The following PRKG1 variants were observed in gnomAD, a reference collection of about 807,000 sequenced individuals.
PRKG1 encodes the protein cGMP-dependent protein kinase 1.
PRKG1 carries 35 observed loss-of-function variants against 88.1 expected under a neutral mutation model. That is an observed-to-expected ratio of 0.40 (90% confidence interval 0.30 to 0.53). The LOEUF is 0.53. PRKG1 is among the 20% of genes least tolerant of loss of function. The pLI is 0.59. For synonymous variants in PRKG1, 303 were observed against 292.5 expected, an observed-to-expected ratio of 1.04 and a Z score of -0.37; for missense variants, 540 against 839.8, an observed-to-expected ratio of 0.64 and a Z score of 4.41.
rs192287805 is a variant in PRKG1 at position 51,189,379 on chromosome 10, G to A, written c.478+36049G>A. Reference sequence around the variant, plus strand: ...ATAGGTAAGAAAGACACAGGGAACCGAATTAAAGAAACAGTAAGGTTTGTA... The same window carrying A: ...ATAGGTAAGAAAGACACAGGGAACCAAATTAAAGAAACAGTAAGGTTTGTA... On this transcript the variant is annotated intron_variant, in intron 2 of 17. Coordinates refer to ENST00000373980, the MANE Select transcript of PRKG1 (RefSeq NM_006258.4). Among the ~76,000 whole-genome samples the A allele has an allele frequency of 2.2e-4, 34 of 151,916 alleles. No homozygotes were observed. In the East Asian group the frequency reaches 6.2e-3, roughly 28 times the overall value.
chr10:51,911,982 GCT>G (rs1258411991), intron 5 of PRKG1, among the ~76,000 whole-genome samples: 1 of 152,190 alleles, frequency 6.6e-6, no homozygotes, highest in Non-Finnish European at 1.5e-5. Context: ...TCAGGACTGC[GCT>G]CTCTCATAGC....
At chr10:51,177,617 G>A (rs896922928) in intron 2 of PRKG1, among the ~76,000 whole-genome samples, 2 of 152,066 alleles carry the variant, frequency 1.3e-5, no homozygotes, top group Non-Finnish European at 2.9e-5. Context: ...ATGTTAACAT[G>A]TCCAACCAAA....
At chr10:51,924,513 G>A (rs1016997392) in intron 5 of PRKG1, among the ~76,000 whole-genome samples, 3 of 152,032 alleles carry the variant, frequency 2.0e-5, no homozygotes, top group African/African-American at 4.8e-5. Context: ...ACACACAGGT[G>A]TGAATTATTG....
At chr10:51,580,762 C>G (rs1042323941) in intron 3 of PRKG1, among the ~76,000 whole-genome samples, 3 of 151,974 alleles carry the variant, frequency 2.0e-5, no homozygotes, top group African/African-American at 7.3e-5. Context: ...AATTAGCTCA[C>G]TGGAGACAGA....
At chr10:52,161,808 T>C in intron 8 of PRKG1, 81 bp from the exon 9 acceptor site, 1 of 1,166,778 alleles carries the variant, frequency 8.6e-7, no homozygotes, top group East Asian at 2.4e-5. Flanking sequence ...TGTCTTTAGA[T>C]TGTTTCACTA....
intron 3 of PRKG1, among the ~76,000 whole-genome samples, chr10:51,681,701 A>G (rs1004692049): frequency 3.9e-5 from 6 of 152,136 alleles, no homozygotes. Flanking sequence ...TTTAATACAT[A>G]TAATTTTGTA....
intron 3 of PRKG1, among the ~76,000 whole-genome samples, chr10:51,642,050 T>G (rs75008334): frequency 6.6e-6 from 1 of 152,306 alleles, no homozygotes; most frequent in Non-Finnish European, 1.5e-5. Flanking sequence ...CTCTGTCAGT[T>G]ACTTGTTCTA....
chr10:51,215,201 C>A, intron 2 of PRKG1, among the ~76,000 whole-genome samples: 1 of 152,162 alleles, frequency 6.6e-6, no homozygotes, highest in East Asian at 1.9e-4. Context: ...AAAAGATGCT[C>A]GACAGCACAT....
chr10:52,282,538 T>C (rs1044236650), intron 14 of PRKG1, among the ~76,000 whole-genome samples: 1 of 152,152 alleles, frequency 6.6e-6, no homozygotes, highest in African/African-American at 2.4e-5. Flanking sequence ...TCATTATTGC[T>C]ACTTCTTTTT....
At chr10:52,233,973 C>T (rs927745596) in intron 9 of PRKG1, among the ~76,000 whole-genome samples, 18 of 151,792 alleles carry the variant, frequency 1.2e-4, no homozygotes, top group African/African-American at 3.1e-4. Context: ...ATCTGAGAAC[C>T]GGCAGACTGC....
intron 5 of PRKG1, among the ~76,000 whole-genome samples, chr10:52,034,038 A>G (rs1218470409): frequency 2.0e-5 from 3 of 151,814 alleles, no homozygotes; most frequent in African/African-American, 7.3e-5. Flanking sequence ...GTCATCACTT[A>G]AGGCAAGGAC....
intron 2 of PRKG1, among the ~76,000 whole-genome samples, chr10:51,390,306 C>T (rs1837363730): frequency 6.6e-6 from 1 of 152,164 alleles, no homozygotes; most frequent in African/African-American, 2.4e-5. Flanking sequence ...ACTTTACAGA[C>T]AGGTTCATAT....
intron 1 of PRKG1, among the ~76,000 whole-genome samples, chr10:51,044,198 G>A (rs751999699): frequency 6.6e-6 from 1 of 152,014 alleles, no homozygotes; most frequent in Non-Finnish European, 1.5e-5. Flanking sequence ...CCGTAGTTCT[G>A]GATCTTTCAG....
chr10:51,394,561 G>T (rs935626737), intron 2 of PRKG1, among the ~76,000 whole-genome samples: 1 of 152,228 alleles, frequency 6.6e-6, no homozygotes, highest in African/African-American at 2.4e-5. Context: ...CCAATGGAGA[G>T]AGTGACAAAG....
intron 4 of PRKG1, among the ~76,000 whole-genome samples, chr10:51,805,585 A>G (rs1027455501): frequency 2.0e-5 from 3 of 152,034 alleles, no homozygotes; most frequent in African/African-American, 7.2e-5. Context: ...TAGAATGTTT[A>G]ACTTTTTTAT....
chr10:51,323,223 A>G (rs1467844423), intron 2 of PRKG1, among the ~76,000 whole-genome samples: 1 of 152,240 alleles, frequency 6.6e-6, no homozygotes, highest in Non-Finnish European at 1.5e-5. Context: ...ATATTTATGC[A>G]TAGCACAGTA....
chr10:52,115,944 A>T (rs760363562), intron 7 of PRKG1, among the ~76,000 whole-genome samples: 4 of 152,148 alleles, frequency 2.6e-5, no homozygotes, highest in African/African-American at 7.2e-5. Flanking sequence ...GAAATGATTC[A>T]TGAATCAGGC....
chr10:51,785,554 T>C (rs1156873428), intron 3 of PRKG1, among the ~76,000 whole-genome samples: 2 of 152,138 alleles, frequency 1.3e-5, no homozygotes, highest in African/African-American at 4.8e-5. Flanking sequence ...TTGATTGACG[T>C]TGAAGATTTT....
upstream of PRKG1, among the ~76,000 whole-genome samples, chr10:51,070,898 G>T (rs902417806): frequency 1.3e-5 from 2 of 152,170 alleles, no homozygotes; most frequent in Non-Finnish European, 2.9e-5. Flanking sequence ...GAATTCTAGA[G>T]TATGAAGTCA....
Sources: allele counts gnomAD v4.1 joint callset (sites outside exome capture counted in the v4.1 genomes callset), GRCh38; gene constraint gnomAD v4.1.1; transcripts MANE v1.5; gene names NCBI Gene and HGNC (gene_info 2026-07-23, HGNC 2026-07-21).